Variants in GNB1 observed in about 807,000 individuals in gnomAD.
GNB1 encodes guanine nucleotide-binding protein G(I)/G(S)/G(T) subunit beta-1.
Under a neutral mutation model 42.9 loss-of-function variants are expected in GNB1, and 2 were observed. The observed-to-expected ratio is 0.05, with a 90% CI of 0.02 to 0.15. The LOEUF (loss-of-function observed/expected upper bound fraction) is 0.15. GNB1 is among the 10% of genes least tolerant of loss of function. The probability of loss-of-function intolerance (pLI) is 1.00; values close to 1 mark genes in which losing one functional copy is unlikely to be tolerated. For synonymous variants in GNB1, 183 were observed against 174.7 expected, an observed-to-expected ratio of 1.05 and a Z score of -0.38; for missense variants, 193 against 462.2, an observed-to-expected ratio of 0.42 and a Z score of 5.34.
At chr1:1,867,213 G>A (rs1648991812) in intron 1 of GNB1, among the ~76,000 whole-genome samples, 1 of 152,218 alleles carries the variant, frequency 6.6e-6, no homozygotes, top group African/African-American at 2.4e-5. Flanking sequence ...GTTGCAGTGA[G>A]CCGAGATCAG....
intron 1 of GNB1, among the ~76,000 whole-genome samples, chr1:1,854,915 CT>C (rs1648186824): frequency 6.6e-6 from 1 of 152,074 alleles, no homozygotes; most frequent in African/African-American, 2.4e-5. Flanking sequence ...AATCCCAGCA[CT>C]TTGGGAGTCC....
At chr1:1,836,545 C>T (rs911803199) in intron 2 of GNB1, among the ~76,000 whole-genome samples, 1 of 151,786 alleles carries the variant, frequency 6.6e-6, no homozygotes, top group African/African-American at 2.4e-5. Flanking sequence ...ACACACAACA[C>T]GATGCCTGGC....
Position 1,815,799 on chromosome 1 carries a change from G to GC in GNB1, c.159dup (p.His54AlafsTer25). On this transcript the variant is annotated frameshift_variant, in exon 5 of 12. Transcript: ENST00000378609. LOFTEE classifies it high-confidence loss of function. The stretch of plus-strand genomic sequence containing the variant: ...TGCATGGCGTAGATCTTGGCCAGGT[G>GC]CCCCCGCAGTGTCCTCCTCGTGCGC... 6.2e-7 allele frequency: 1 copy of GC among 1,609,968 alleles called. No individual in the cohort carries two copies. Among genetic ancestry groups the GC allele is most frequent in the Non-Finnish European group, 8.5e-7 (1 of 1,176,320 alleles).
At chr1:1,822,950 TC>T (rs1484390647) in intron 3 of GNB1, among the ~76,000 whole-genome samples, 1 of 152,078 alleles carries the variant, frequency 6.6e-6, no homozygotes, top group Non-Finnish European at 1.5e-5. Context: ...ACTTTAAAAT[TC>T]TGATTTCTAG....
At chr1:1,851,935 C>T (rs1341943361) in intron 1 of GNB1, among the ~76,000 whole-genome samples, 4 of 151,534 alleles carry the variant, frequency 2.6e-5, no homozygotes, top group African/African-American at 4.8e-5. Flanking sequence ...CCCAGCTACT[C>T]GGGAGGCTGA....
chr1:1,815,140 A>C (rs1646835915), intron 5 of GNB1, among the ~76,000 whole-genome samples: 2 of 151,948 alleles, frequency 1.3e-5, no homozygotes, highest in African/African-American at 4.8e-5. Context: ...GAGAAAAGAA[A>C]AGAACAAATA....
chr1:1,801,199 T>G (rs1005928661), intron 7 of GNB1, among the ~76,000 whole-genome samples: 1 of 152,188 alleles, frequency 6.6e-6, no homozygotes, highest in Non-Finnish European at 1.5e-5. Context: ...GGCTAATTTT[T>G]TTATTTTTAG....
chr1:1,828,089 G>A (rs1025907442), intron 2 of GNB1, among the ~76,000 whole-genome samples: 3 of 152,106 alleles, frequency 2.0e-5, no homozygotes, highest in Non-Finnish European at 4.4e-5. Context: ...GGGAGGCTGC[G>A]GACAACGGAT....
intron 7 of GNB1, chr1:1,794,143 C>T (rs1244583382): frequency 6.6e-6 from 1 of 152,248 alleles, no homozygotes; most frequent in Non-Finnish European, 1.5e-5. Context: ...GAGCAGGACA[C>T]ACCAAGATGC....
intron 1 of GNB1, among the ~76,000 whole-genome samples, chr1:1,867,631 CT>C (rs1462000942): frequency 2.0e-5 from 3 of 152,140 alleles, no homozygotes; most frequent in Admixed American, 1.3e-4. Context: ...TTTAGAAATG[CT>C]TTTATACTAA....
intron 1 of GNB1, among the ~76,000 whole-genome samples, chr1:1,848,340 T>C (rs1303785048): frequency 1.4e-5 from 2 of 140,106 alleles, no homozygotes; most frequent in East Asian, 2.1e-4. Context: ...GACTGAGCCA[T>C]TGCACTCCAG....
At chr1:1,820,499 TTTCTATG>T (rs943652844) in intron 3 of GNB1, among the ~76,000 whole-genome samples, 6 of 152,078 alleles carry the variant, frequency 3.9e-5, no homozygotes, top group African/African-American at 1.4e-4. Flanking sequence ...AAATCGAGTA[TTTCTATG>T]CAAGCAGTAA....
At chr1:1,865,415 T>C (rs1010730658) in intron 1 of GNB1, among the ~76,000 whole-genome samples, 8 of 149,826 alleles carry the variant, frequency 5.3e-5, no homozygotes, top group Admixed American at 3.3e-4. Flanking sequence ...TGAAACCCCA[T>C]CTCTACTAAA....
At chr1:1,874,624 A>AAT (rs1177524738) in intron 1 of GNB1, among the ~76,000 whole-genome samples, 1 of 150,470 alleles carries the variant, frequency 6.6e-6, no homozygotes, top group Admixed American at 6.6e-5. Context: ...AAAAAAAAAA[A>AAT]AAAAAAAAGT....
At chr1:1,798,842 C>A (rs1223229837) in intron 7 of GNB1, among the ~76,000 whole-genome samples, 1 of 152,078 alleles carries the variant, frequency 6.6e-6, no homozygotes, top group Non-Finnish European at 1.5e-5. Flanking sequence ...GCTGGGACTA[C>A]AAGTGCATGC....
In GNB1 at chr1:1,845,348, C is replaced by T. The variant is rs150812179; in HGVS notation, c.-95-6110G>A. On this transcript the variant is annotated intron_variant, in intron 1 of 11. Coordinates refer to ENST00000378609, the MANE Select transcript of GNB1 (RefSeq NM_002074.5). ...CAGCACTTTGGGAGGCCAAGGCGGG[C>T]GGATCACGAGGTCAGGAGATTGAGA... Among the ~76,000 whole-genome samples the T allele has an allele frequency of 7.9e-5, 12 of 152,130 alleles. No homozygotes were observed. In the East Asian group the frequency reaches 1.4e-3, roughly 17 times the overall value.
chr1:1,837,973 C>T (rs1046290513), intron 2 of GNB1, among the ~76,000 whole-genome samples: 6 of 150,838 alleles, frequency 4.0e-5, no homozygotes, highest in African/African-American at 7.3e-5. Flanking sequence ...GAGGCCAAGG[C>T]GGGTGGATCA....
chr1:1,818,761 G>T (rs151079424), intron 3 of GNB1, among the ~76,000 whole-genome samples: 1,561 of 152,186 alleles, frequency 0.01, 28 homozygotes, highest in African/African-American at 0.035. Flanking sequence ...TACTCAGGAG[G>T]CTGAGGCAGG....
At position 1,864,452 on chromosome 1, in the gene GNB1, C is replaced by T. The variant is rs544183753; in HGVS notation, c.-95-25214G>A. On this transcript the variant is annotated intron_variant, in intron 1 of 11. Coordinates refer to ENST00000378609, the MANE Select transcript of GNB1 (RefSeq NM_002074.5). ...CCTAGTACACAGTAGGTAGTTAAAACGGCCGCAATGATACTGGTTTCTCCC... is the reference window on the plus strand; with the variant it reads ...CCTAGTACACAGTAGGTAGTTAAAATGGCCGCAATGATACTGGTTTCTCCC... Among the ~76,000 whole-genome samples the T allele has an allele frequency of 1.3e-3, 192 of 151,672 alleles. 4 individuals are homozygous for T. The highest frequency in any genetic ancestry group is 5.4e-3 in the South Asian group (26 of 4,798).
Sources: allele counts gnomAD v4.1 joint callset (sites outside exome capture counted in the v4.1 genomes callset), GRCh38; gene constraint gnomAD v4.1.1; transcripts MANE v1.5; gene names NCBI Gene and HGNC (gene_info 2026-07-23, HGNC 2026-07-21).